Variants in SGCD observed in about 807,000 individuals in gnomAD.
SGCD encodes delta-sarcoglycan.
SGCD carries 18 observed loss-of-function variants against 36.6 expected under a neutral mutation model. That is an observed-to-expected ratio of 0.49 (90% confidence interval 0.34 to 0.73). The LOEUF is 0.73. Among genes scored for constraint, SGCD ranks in the 30% least tolerant of loss-of-function variants. The pLI, the probability that SGCD is intolerant of heterozygous loss-of-function variation, is 0.01. For synonymous variants in SGCD, 133 were observed against 130.6 expected, an observed-to-expected ratio of 1.02 and a Z score of -0.12; for missense variants, 387 against 346.7, an observed-to-expected ratio of 1.12 and a Z score of -0.92.
At chr5:156,364,714 C>T (rs1436437981) in intron 3 of SGCD, among the ~76,000 whole-genome samples, 2 of 152,150 alleles carry the variant, frequency 1.3e-5, no homozygotes, top group African/African-American at 4.8e-5. Context: ...TGAGGACTGG[C>T]TATTGTTAGT....
At chr5:155,731,888 A>G in the SGCD span, among the ~76,000 whole-genome samples, 1 of 152,230 alleles carries the variant, frequency 6.6e-6, no homozygotes, top group African/African-American at 2.4e-5. Flanking sequence ...CGTGGTGTAG[A>G]TGGTATAGCA....
At chr5:155,821,619 G>T in the SGCD span, among the ~76,000 whole-genome samples, 30 of 152,106 alleles carry the variant, frequency 2.0e-4, no homozygotes, top group Non-Finnish European at 4.0e-4. Flanking sequence ...GGCCTGAAGA[G>T]TTATTTTTAA....
intron 1 of SGCD, among the ~76,000 whole-genome samples, chr5:156,022,382 T>G (rs1561685454): frequency 6.6e-6 from 1 of 152,234 alleles, no homozygotes. Context: ...TATTAATTGT[T>G]ATTCTTAAAA....
At chr5:156,477,110 T>G (rs1755215823) in intron 3 of SGCD, among the ~76,000 whole-genome samples, 1 of 152,046 alleles carries the variant, frequency 6.6e-6, no homozygotes, top group Non-Finnish European at 1.5e-5. Flanking sequence ...GAAAAGCAGT[T>G]TGAAAGAGCA....
chr5:156,754,343 T>C (rs537366010), intron 7 of SGCD, among the ~76,000 whole-genome samples: 1 of 152,350 alleles, frequency 6.6e-6, no homozygotes, highest in African/African-American at 2.4e-5. Flanking sequence ...CTTTGAACTC[T>C]ATGTACCAAG....
chr5:156,318,170 A>G (rs984627074), intron 3 of SGCD, among the ~76,000 whole-genome samples: 3 of 152,314 alleles, frequency 2.0e-5, no homozygotes, highest in African/African-American at 7.2e-5. Flanking sequence ...AGAAATACAA[A>G]TTTTTAAATT....
intron 3 of SGCD, among the ~76,000 whole-genome samples, chr5:156,148,376 C>T (rs1762756415): frequency 6.6e-6 from 1 of 152,066 alleles, no homozygotes; most frequent in African/African-American, 2.4e-5. Context: ...CTAAAAATTT[C>T]TCTCCAAGAG....
At chr5:156,496,752 G>A (rs1332821157) in intron 3 of SGCD, among the ~76,000 whole-genome samples, 5 of 152,124 alleles carry the variant, frequency 3.3e-5, no homozygotes, top group Admixed American at 6.6e-5. Flanking sequence ...CCAATCATAT[G>A]TAGGGAAATA....
the SGCD span, among the ~76,000 whole-genome samples, chr5:155,864,501 A>T: frequency 1.3e-5 from 2 of 150,854 alleles, no homozygotes; most frequent in Non-Finnish European, 3.0e-5. Context: ...TAATTAAATT[A>T]AAAAAAAAGG....
chr5:156,157,625 T>C (rs974157267), intron 3 of SGCD, among the ~76,000 whole-genome samples: 17 of 151,774 alleles, frequency 1.1e-4, no homozygotes, highest in Non-Finnish European at 2.4e-4. Context: ...CTATTTGCTA[T>C]AGTATATAAA....
intron 3 of SGCD, among the ~76,000 whole-genome samples, chr5:156,477,700 A>AG (rs1561721509): frequency 7.2e-5 from 11 of 151,766 alleles, no homozygotes; most frequent in Admixed American, 7.2e-4. Context: ...AAAAAAAAAA[A>AG]AAAAGTGATG....
intron 7 of SGCD, among the ~76,000 whole-genome samples, chr5:156,736,439 T>C (rs183657989): frequency 3.9e-5 from 6 of 152,308 alleles, no homozygotes; most frequent in Admixed American, 3.3e-4. Flanking sequence ...TTGTATATGG[T>C]ACAACACCAA....
At chr5:156,296,559 A>G (rs1222765250) in intron 3 of SGCD, among the ~76,000 whole-genome samples, 5 of 152,136 alleles carry the variant, frequency 3.3e-5, no homozygotes. Context: ...TTGGTTATTT[A>G]AAAGCATGTT....
the SGCD span, among the ~76,000 whole-genome samples, chr5:155,759,303 A>G: frequency 6.6e-6 from 1 of 152,204 alleles, no homozygotes; most frequent in Non-Finnish European, 1.5e-5. Flanking sequence ...GTAGAACATT[A>G]TGGTGTTGCA....
At chr5:156,015,431 C>G (rs1758949072) in intron 1 of SGCD, among the ~76,000 whole-genome samples, 1 of 151,936 alleles carries the variant, frequency 6.6e-6, no homozygotes, top group Non-Finnish European at 1.5e-5. Context: ...CGAGATGTTC[C>G]AGCTCCAGAA....
At chr5:156,577,485 G>C (rs567470131) in intron 4 of SGCD, among the ~76,000 whole-genome samples, 2 of 152,164 alleles carry the variant, frequency 1.3e-5, no homozygotes, top group Non-Finnish European at 2.9e-5. Context: ...GAATGGCATT[G>C]AATCTATAAA....
At chr5:155,933,689 T>C (rs909535964) in intron 1 of SGCD, among the ~76,000 whole-genome samples, 1 of 152,236 alleles carries the variant, frequency 6.6e-6, no homozygotes, top group South Asian at 2.1e-4. Flanking sequence ...AGCTGCAACA[T>C]TTTTAGCTGC....
the SGCD span, among the ~76,000 whole-genome samples, chr5:155,755,656 GGTAGGCTGGATCCTTCT>G: frequency 9.9e-3 from 1,503 of 152,218 alleles, 26 homozygotes; most frequent in African/African-American, 0.034. Context: ...ATGCCCCTGG[GGTAGGCTGGATCCTTCT>G]GTAGGCTGGA....
At position 156,724,607 on chromosome 5, in the gene SGCD, C is replaced by CA. The variant is rs530808212; in HGVS notation, c.576-32962dup. On this transcript the variant is annotated intron_variant, in intron 7 of 8. Coordinates refer to ENST00000337851, the MANE Select transcript of SGCD (RefSeq NM_000337.6). ...GGGTGACAGAGCGAGACTCCATCTC[C>CA]AAAAAAAAAAAAGAAAGAAAATATA... Among the ~76,000 whole-genome samples the CA allele has an allele frequency of 3.7e-3, 467 of 125,700 alleles. 1 individual carries two copies. The highest frequency in any genetic ancestry group is 0.013 in the South Asian group (51 of 4,010). The allele number at this position is 125,700 out of a possible 152,430, so 82.5% of individuals were successfully genotyped here.
Sources: gnomAD v4.1 joint callset for allele counts (sites outside exome capture counted in the v4.1 genomes callset) on GRCh38, gnomAD v4.1.1 for gene constraint, MANE v1.5 for transcripts, NCBI Gene and HGNC (gene_info 2026-07-23, HGNC 2026-07-21) for gene names.